Variants in ARSB observed in about 807,000 individuals in gnomAD.
ARSB encodes arylsulfatase B.
Under a neutral mutation model 50.9 loss-of-function variants are expected in ARSB, and 41 were observed. The observed-to-expected ratio is 0.81, with a 90% CI of 0.63 to 1.04. The LOEUF (loss-of-function observed/expected upper bound fraction) is 1.04, where lower values mean the gene tolerates loss of function less well. Ranked by LOEUF, ARSB falls within the 50% of genes least tolerant of loss-of-function variation. The probability of loss-of-function intolerance (pLI) is 0.00; values close to 1 mark genes in which losing one functional copy is unlikely to be tolerated. For missense variants in ARSB, 672 were observed against 693.3 expected (o/e 0.97, Z 0.35); for synonymous variants, 269 against 284.8 (o/e 0.94, Z 0.56).
intron 4 of ARSB, among the ~76,000 whole-genome samples, chr5:78,893,426 A>G (rs895281516): frequency 6.6e-6 from 1 of 152,154 alleles, no homozygotes; most frequent in African/African-American, 2.4e-5. Flanking sequence ...AAATGTTATA[A>G]AAGTTTGTAG....
intron 4 of ARSB, among the ~76,000 whole-genome samples, chr5:78,891,609 G>A (rs942932030): frequency 6.6e-6 from 1 of 152,168 alleles, no homozygotes; most frequent in African/African-American, 2.4e-5. Context: ...GGCAATGACT[G>A]GGCTTTGTGG....
chr5:78,932,479 T>C (rs1750373075), intron 4 of ARSB, among the ~76,000 whole-genome samples: 1 of 152,208 alleles, frequency 6.6e-6, no homozygotes. Context: ...TAAAACCCTT[T>C]CCAGCTCTAT....
chr5:78,825,614 T>C (rs796947546), intron 6 of ARSB, among the ~76,000 whole-genome samples: 4 of 152,354 alleles, frequency 2.6e-5, no homozygotes, highest in African/African-American at 9.6e-5. Flanking sequence ...AAATAAAATG[T>C]ATTTATGTCA....
chr5:78,805,961 C>T (rs1043571068), intron 6 of ARSB, among the ~76,000 whole-genome samples: 16 of 152,190 alleles, frequency 1.1e-4, no homozygotes, highest in African/African-American at 3.1e-4. Context: ...TCTAGCTGTG[C>T]GGCCTTGGGG....
chr5:78,806,650 T>C (rs917791973), intron 6 of ARSB, among the ~76,000 whole-genome samples: 8 of 152,228 alleles, frequency 5.3e-5, no homozygotes, highest in Non-Finnish European at 1.0e-4. Context: ...GCACTCTACA[T>C]TGACCTGATG....
chr5:78,901,416 CAATTTCAAGAACTACT>C (rs1460500352), intron 4 of ARSB, among the ~76,000 whole-genome samples: 5 of 152,104 alleles, frequency 3.3e-5, no homozygotes, highest in Admixed American at 1.3e-4. Flanking sequence ...TTATACTATC[CAATTTCAAGAACTACT>C]ATAAAGCTAC....
chr5:78,887,198 C>T (rs889622016), intron 4 of ARSB, among the ~76,000 whole-genome samples: 17 of 152,192 alleles, frequency 1.1e-4, no homozygotes, highest in African/African-American at 3.4e-4. Context: ...TAAGTCCAAG[C>T]GCTAGGCACT....
At chr5:78,815,782 G>A in intron 6 of ARSB, 1 of 1,225,562 alleles carries the variant, frequency 8.2e-7, no homozygotes. Flanking sequence ...TTTGGGAAAA[G>A]GTAACACAAA....
chr5:78,957,283 T>TG (rs1383487314), intron 3 of ARSB, among the ~76,000 whole-genome samples: 1 of 152,120 alleles, frequency 6.6e-6, no homozygotes, highest in South Asian at 2.1e-4. Flanking sequence ...CAGACTTTGG[T>TG]GGGGGGGTGG....
rs1743535709 is a variant in ARSB at position 78,805,798 on chromosome 5, T to A, written c.1214-23824A>T. Among the ~76,000 whole-genome samples the A allele has an allele frequency of 2.0e-5, 3 of 152,204 alleles. No homozygotes were observed. The South Asian group carries it at 6.2e-4, about 32-fold the overall frequency. ...TGGCTCTGTGGGTTCCGGGGCACAG[T>A]CACACTTAGACACGATGCCTGTGGA... On this transcript the variant is annotated intron_variant, in intron 6 of 7. Coordinates refer to ENST00000264914, the MANE Select transcript of ARSB (RefSeq NM_000046.5).
chr5:78,796,924 C>A (rs1743205891), intron 6 of ARSB, among the ~76,000 whole-genome samples: 1 of 145,566 alleles, frequency 6.9e-6, no homozygotes, highest in Admixed American at 7.0e-5. Flanking sequence ...GTCGCCCAGG[C>A]TGGAGTGCAG....
chr5:78,936,476 C>A (rs1180945941), intron 4 of ARSB, among the ~76,000 whole-genome samples: 2 of 93,096 alleles, frequency 2.1e-5, no homozygotes, highest in Non-Finnish European at 4.1e-5. Flanking sequence ...CCTTACAACT[C>A]CTAAGAAAAA....
intron 6 of ARSB, among the ~76,000 whole-genome samples, chr5:78,813,927 T>C (rs1168666026): frequency 6.6e-6 from 1 of 152,212 alleles, no homozygotes; most frequent in Non-Finnish European, 1.5e-5. Context: ...TTTTCTAATA[T>C]ACAAAATTGT....
At chr5:78,876,522 T>G (rs897309325) in intron 5 of ARSB, among the ~76,000 whole-genome samples, 1 of 152,234 alleles carries the variant, frequency 6.6e-6, no homozygotes, top group South Asian at 2.1e-4. Context: ...GGTGAGTTTT[T>G]AATCATTGCC....
intron 5 of ARSB, among the ~76,000 whole-genome samples, chr5:78,875,057 G>A (rs1747422321): frequency 6.6e-6 from 1 of 152,178 alleles, no homozygotes; most frequent in Non-Finnish European, 1.5e-5. Flanking sequence ...AAGTTGCAGT[G>A]AGCTATGATT....
chr5:78,819,456 T>C (rs1166651007), intron 6 of ARSB, among the ~76,000 whole-genome samples: 1 of 152,084 alleles, frequency 6.6e-6, no homozygotes, highest in Admixed American at 6.5e-5. Flanking sequence ...TCAAAACGTA[T>C]GTTGTGAGAA....
At chr5:78,787,322 G>C (rs72762940) in intron 6 of ARSB, among the ~76,000 whole-genome samples, 4,456 of 152,218 alleles carry the variant, frequency 0.029, 100 homozygotes, top group East Asian at 0.057. Flanking sequence ...AAATCAGCAA[G>C]CCTGAGTCCT....
chr5:78,968,932 T>C, intron 2 of ARSB, 74 bp downstream of exon 2: 1 of 1,513,042 alleles, frequency 6.6e-7, no homozygotes, highest in Non-Finnish European at 9.2e-7. Context: ...TTTCATTTGA[T>C]TGCACTTGGG....
chr5:78,832,392 G>C (rs1452940136), intron 6 of ARSB, among the ~76,000 whole-genome samples: 3 of 152,148 alleles, frequency 2.0e-5, no homozygotes, highest in Non-Finnish European at 4.4e-5. Flanking sequence ...GACTCTTCCA[G>C]ACTGGGTTTT....
Sources: allele counts gnomAD v4.1 joint callset (sites outside exome capture counted in the v4.1 genomes callset), GRCh38; gene constraint gnomAD v4.1.1; transcripts MANE v1.5; gene names NCBI Gene and HGNC (gene_info 2026-07-23, HGNC 2026-07-21).